The following ZFP2 variants were observed in gnomAD, a reference collection of about 807,000 sequenced individuals.
ZFP2 encodes zinc finger protein ZFP2.
Under a neutral mutation model 36.1 loss-of-function variants are expected in ZFP2, and 33 were observed. The ratio of observed to expected loss-of-function variants is 0.92; its 90% CI spans 0.69 to 1.22. ZFP2 has a LOEUF of 1.22. ZFP2 is among the 50% of genes most tolerant of loss of function. The pLI is 0.00. For synonymous variants in ZFP2, 170 were observed against 178.0 expected (o/e 0.96, Z 0.36); for missense variants, 522 against 551.4 (o/e 0.95, Z 0.53).
At chr5:178,910,542 G>T in intron 1 of ZFP2, 1 of 535,314 alleles carries the variant, frequency 1.9e-6, no homozygotes, top group African/African-American at 1.9e-5. Flanking sequence ...CTGGGGTCAT[G>T]GTCTGCATTC....
At chr5:178,922,552 T>C (rs1344944504) in intron 4 of ZFP2, 3 of 1,461,788 alleles carry the variant, frequency 2.1e-6, no homozygotes, top group Non-Finnish European at 2.9e-6. Flanking sequence ...TGTCTAGTTT[T>C]GTAGGAGCAT....
chr5:178,910,022 C>G, intron 1 of ZFP2: 8 of 1,448,572 alleles, frequency 5.5e-6, no homozygotes, highest in Non-Finnish European at 7.8e-6. Flanking sequence ...TTTGCCGATG[C>G]AGTGACCACT....
chr5:178,917,482 G>C (rs1758459979), intron 4 of ZFP2, among the ~76,000 whole-genome samples: 1 of 152,242 alleles, frequency 6.6e-6, no homozygotes, highest in Middle Eastern at 3.4e-3. Flanking sequence ...AGGTATGGTG[G>C]CACGTACCTA....
intron 1 of ZFP2, among the ~76,000 whole-genome samples, chr5:178,912,305 G>A (rs1758315385): frequency 6.6e-6 from 1 of 152,146 alleles, no homozygotes; most frequent in Non-Finnish European, 1.5e-5. Flanking sequence ...AGGTGAATAG[G>A]AGGTGATCAC....
intron 4 of ZFP2, among the ~76,000 whole-genome samples, chr5:178,925,107 T>TTATATATATA (rs766110848): frequency 0.032 from 3,498 of 109,474 alleles, 126 homozygotes; most frequent in Non-Finnish European, 0.044. Context: ...AATTGAATCT[T>TTATATATATA]TATATATATA....
rs902172351 is a variant in ZFP2, at chr5:178,923,274, T to C, written c.-78+6564T>C. Among the ~76,000 whole-genome samples the C allele has an allele frequency of 1.3e-5, 2 of 149,698 alleles. 1 individual carries two copies. Among genetic ancestry groups the C allele is most frequent in the Non-Finnish European group, 3.0e-5 (2 of 66,664 alleles). Reference sequence around the variant, plus strand: ...TTCATCTTTCCTAATGAAAACTCTATATCCTTTAAGCAATAGCATCCCATT... The same window carrying C: ...TTCATCTTTCCTAATGAAAACTCTACATCCTTTAAGCAATAGCATCCCATT... On this transcript the variant is annotated intron_variant, in intron 4 of 4. Coordinates refer to ENST00000361362, the MANE Select transcript of ZFP2 (RefSeq NM_030613.4).
intron 1 of ZFP2, among the ~76,000 whole-genome samples, chr5:178,897,803 C>G (rs1005835415): frequency 2.0e-5 from 3 of 152,114 alleles, no homozygotes; most frequent in African/African-American, 4.8e-5. Flanking sequence ...CACCCCTACC[C>G]CATGCAATGG....
At chr5:178,927,542 G>A (rs1247680539) in intron 4 of ZFP2, among the ~76,000 whole-genome samples, 1 of 151,264 alleles carries the variant, frequency 6.6e-6, no homozygotes, top group Non-Finnish European at 1.5e-5. Context: ...TGTCGCCCAG[G>A]CTGGAGTGTG....
At chr5:178,903,678 T>C (rs765725401) in intron 1 of ZFP2, among the ~76,000 whole-genome samples, 2 of 152,196 alleles carry the variant, frequency 1.3e-5, no homozygotes, top group Non-Finnish European at 2.9e-5. Flanking sequence ...GGGATCATGC[T>C]ATGAAAAGGA....
In ZFP2 at chr5:178,925,126, TACACACACACACAC is replaced by T. The variant is rs70997651; in HGVS notation, c.-77-6099_-77-6086del. On this transcript the variant is annotated intron_variant, in intron 4 of 4. Transcript: ENST00000361362. ...GAATCTTTATATATATATATATATATACACACACACACACACACACACACATATATATACACATA... is the reference window on the plus strand; with the variant it reads ...GAATCTTTATATATATATATATATATACACACACACATATATATACACATA... Among the ~76,000 whole-genome samples the T allele has an allele frequency of 1.1e-3, 152 of 133,592 alleles. 11 individuals carry two copies. In the East Asian group the frequency reaches 0.012, roughly 10 times the overall value. The allele number at this position is 133,592 out of a possible 152,430, so 87.6% of individuals were successfully genotyped here.
chr5:178,897,854 A>G (rs1293154983), intron 1 of ZFP2, among the ~76,000 whole-genome samples: 1 of 152,216 alleles, frequency 6.6e-6, no homozygotes, highest in Non-Finnish European at 1.5e-5. Context: ...TATCTGGTAA[A>G]TAAGTCAGTA....
rs775178727 is a variant in ZFP2, at chr5:178,921,527, C to T, written c.-78+4817C>T. 8.7e-5 allele frequency among the ~76,000 whole-genome samples: 13 copies of T among 149,520 alleles called. 1 individual carries two copies. Among genetic ancestry groups the T allele is most frequent in the Non-Finnish European group, 1.7e-4 (11 of 66,604 alleles). On this transcript the variant is annotated intron_variant, in intron 4 of 4. Transcript: ENST00000361362. ...GCAGTGGCACTGCTGTTGCAGCAGC[C>T]ACCAGAGGATTGCTTAAGTGCTGGG...
rs765369856 is a variant in ZFP2, at chr5:178,909,001, C to T, written c.-449-3583C>T. ...AGGGTGGAAGGCTGCCCTGCCGCAC[C>T]GTTATCTAAGCCCAGGGCGTAAAAC... On this transcript the variant is annotated intron_variant, in intron 1 of 4. Coordinates refer to ENST00000361362, the MANE Select transcript of ZFP2 (RefSeq NM_030613.4). Among the ~76,000 whole-genome samples, 15 of 149,336 alleles carry T rather than the reference C, an allele frequency of 1.0e-4. 1 individual carries two copies. Among genetic ancestry groups the T allele is most frequent in the Admixed American group, 3.3e-4 (5 of 15,024 alleles).
chr5:178,928,418 C>CT (rs781605474), intron 4 of ZFP2, among the ~76,000 whole-genome samples: 8 of 152,166 alleles, frequency 5.3e-5, no homozygotes, highest in Non-Finnish European at 1.0e-4. Flanking sequence ...CCAAGATATA[C>CT]TGGGGGTATA....
Position 178,932,621 on chromosome 5 carries a change from A to G in ZFP2, c.1308A>G (p.Lys436=). Residue 436 remains lysine (K), a synonymous_variant, in exon 5 of 5, where the codon AAA becomes AAG. Transcript: ENST00000361362. Reference sequence around the variant, plus strand: ...ATCAGAGAACTCATACAGGAGAGAAACCCTATCAGTGTAATGAATGCGGAA... The same window carrying G: ...ATCAGAGAACTCATACAGGAGAGAAGCCCTATCAGTGTAATGAATGCGGAA... The part of the protein sequence containing the change: ...TVHQRTHTGE[K]PYQCNECGKA... 6.2e-7 allele frequency: 1 copy of G among 1,614,078 alleles called. No individual in the cohort carries two copies. The highest frequency in any genetic ancestry group is 2.2e-5 in the East Asian group (1 of 44,874).
chr5:178,915,322 C>CTTTTTTTTTTTTTTTT (rs769089977), intron 3 of ZFP2, among the ~76,000 whole-genome samples: 2 of 72,690 alleles, frequency 2.8e-5, no homozygotes, highest in Non-Finnish European at 5.0e-5. Context: ...GTTTTTCTTT[C>CTTTTTTTTTTTTTTTT]TTTTTTTTTT....
At position 178,904,852 on chromosome 5, in the gene ZFP2, G is replaced by A. The variant is rs556149145; in HGVS notation, c.-449-7732G>A. Among the ~76,000 whole-genome samples the A allele has an allele frequency of 1.1e-4, 17 of 151,834 alleles. No homozygotes were observed. In the South Asian group the frequency reaches 1.5e-3, roughly 13 times the overall value. On this transcript the variant is annotated intron_variant, in intron 1 of 4. Coordinates refer to ENST00000361362, the MANE Select transcript of ZFP2 (RefSeq NM_030613.4). ...TCAGTAGCTGGGACTACAGGCACGT[G>A]CCACCACGCCTGGCTAACTTTTTGT...
chr5:178,918,626 G>A (rs1384647710), intron 4 of ZFP2, among the ~76,000 whole-genome samples: 1 of 152,132 alleles, frequency 6.6e-6, no homozygotes, highest in Non-Finnish European at 1.5e-5. Context: ...AAGTTAACGA[G>A]TGAAGGCAGA....
intron 1 of ZFP2, chr5:178,910,078 G>T (rs1758259184): frequency 1.4e-6 from 2 of 1,475,268 alleles, no homozygotes; most frequent in Non-Finnish European, 1.9e-6. Flanking sequence ...AACTGGTAGA[G>T]ATCCTTGAAT....
Sources: gnomAD v4.1 joint callset for allele counts (sites outside exome capture counted in the v4.1 genomes callset) on GRCh38, gnomAD v4.1.1 for gene constraint, MANE v1.5 for transcripts, NCBI Gene and HGNC (gene_info 2026-07-23, HGNC 2026-07-21) for gene names.